WWC2: variants seen among roughly 807,000 people sequenced by gnomAD.
WWC2 encodes the protein WW and C2 domain containing 2.
In WWC2, 101 loss-of-function variants were observed where a neutral mutation model predicts 138.5. That is an observed-to-expected ratio of 0.73 (90% CI 0.62 to 0.86). The LOEUF is 0.86. Among genes scored for constraint, WWC2 ranks in the 40% least tolerant of loss-of-function variants. The probability of loss-of-function intolerance (pLI) is 0.00; values close to 1 mark genes in which losing one functional copy is unlikely to be tolerated. For missense variants in WWC2, 1,420 were observed against 1,419.4 expected (o/e 1.00, Z -0.01); for synonymous variants, 558 against 538.4 (o/e 1.04, Z -0.50).
intron 2 of WWC2, among the ~76,000 whole-genome samples, chr4:183,207,681 TGG>T (rs1735484202): frequency 6.6e-6 from 1 of 152,180 alleles, no homozygotes; most frequent in Non-Finnish European, 1.5e-5. Context: ...CTGTAGGCAC[TGG>T]GGAGCCACAG....
intron 11 of WWC2, among the ~76,000 whole-genome samples, chr4:183,262,605 G>GGGAGGGCC (rs2111361004): frequency 6.6e-6 from 1 of 152,350 alleles, no homozygotes; most frequent in East Asian, 1.9e-4. Flanking sequence ...TGAGACATTT[G>GGGAGGGCC]TGTGGTTTGT....
intron 1 of WWC2, among the ~76,000 whole-genome samples, chr4:183,132,484 C>G (rs1421078897): frequency 5.4e-5 from 8 of 149,338 alleles, no homozygotes; most frequent in African/African-American, 1.7e-4. Context: ...GACGGAGTCT[C>G]GCTCTGTCGC....
At chr4:183,242,753 CTCAAG>C (rs1167646415) in intron 5 of WWC2, among the ~76,000 whole-genome samples, 1 of 152,100 alleles carries the variant, frequency 6.6e-6, no homozygotes, top group Non-Finnish European at 1.5e-5. Context: ...ATAGGGCACA[CTCAAG>C]TCAAGAACTT....
At chr4:183,196,281 A>G (rs530417933) in intron 2 of WWC2, among the ~76,000 whole-genome samples, 2 of 152,156 alleles carry the variant, frequency 1.3e-5, no homozygotes, top group Admixed American at 1.3e-4. Flanking sequence ...CACCCTACAA[A>G]CTATCAAATC....
intron 1 of WWC2, among the ~76,000 whole-genome samples, chr4:183,189,114 G>A (rs1295458924): frequency 2.0e-5 from 3 of 151,704 alleles, no homozygotes; most frequent in Non-Finnish European, 4.4e-5. Context: ...GTTTCTTTGT[G>A]TTGCTAGTTT....
At chr4:183,230,302 A>G (rs769573855) in intron 4 of WWC2, among the ~76,000 whole-genome samples, 15 of 152,086 alleles carry the variant, frequency 9.9e-5, no homozygotes, top group Non-Finnish European at 2.2e-4. Context: ...ACTAGAAAAG[A>G]AGAAAGTCTT....
At chr4:183,115,404 C>T (rs181798853) in intron 1 of WWC2, among the ~76,000 whole-genome samples, 19 of 152,248 alleles carry the variant, frequency 1.2e-4, no homozygotes, top group Admixed American at 9.8e-4. Context: ...AGGGATTGCT[C>T]GGTTGGATGG....
intron 14 of WWC2, among the ~76,000 whole-genome samples, chr4:183,268,718 T>G (rs1051287082): frequency 6.6e-6 from 1 of 152,178 alleles, no homozygotes; most frequent in African/African-American, 2.4e-5. Flanking sequence ...TTTCCTATCA[T>G]GTGCCTTTGC....
chr4:183,156,160 C>T (rs778423445), intron 1 of WWC2, among the ~76,000 whole-genome samples: 1 of 151,300 alleles, frequency 6.6e-6, no homozygotes, highest in East Asian at 2.0e-4. Flanking sequence ...TTGAGTAGCT[C>T]GGATTACAGG....
intron 2 of WWC2, among the ~76,000 whole-genome samples, chr4:183,206,171 C>G (rs958655911): frequency 1.3e-5 from 2 of 152,106 alleles, no homozygotes; most frequent in African/African-American, 2.4e-5. Flanking sequence ...TCTCAGAGAT[C>G]ACAATCCTGT....
Position 183,139,483 on chromosome 4 carries a change from A to G in WWC2, c.131+39861A>G, listed in dbSNP as rs184888487. On this transcript the variant is annotated intron_variant, in intron 1 of 22. Transcript: ENST00000403733. ...TTCTTTTCCATCTCAGTAAATGTCA[A>G]CAGCATTCCACCAGTAGATCAGGCC... is the stretch of plus-strand genomic sequence containing the variant. Among the ~76,000 whole-genome samples the G allele has an allele frequency of 2.3e-3, 348 of 152,276 alleles. 5 individuals are homozygous for G. The highest frequency in any genetic ancestry group is 0.021 in the Admixed American group (322 of 15,304).
At chr4:183,241,930 C>T (rs1736635387) in intron 5 of WWC2, among the ~76,000 whole-genome samples, 1 of 152,122 alleles carries the variant, frequency 6.6e-6, no homozygotes, top group Non-Finnish European at 1.5e-5. Context: ...ATTGATGTAA[C>T]AATGCTGTAT....
chr4:183,248,476 G>C (rs1736864798), intron 6 of WWC2, among the ~76,000 whole-genome samples: 1 of 152,140 alleles, frequency 6.6e-6, no homozygotes, highest in Non-Finnish European at 1.5e-5. Context: ...GGAAAATGCT[G>C]TTTTGAGATA....
At chr4:183,105,478 T>C (rs1743321246) in intron 1 of WWC2, among the ~76,000 whole-genome samples, 1 of 152,178 alleles carries the variant, frequency 6.6e-6, no homozygotes, top group Non-Finnish European at 1.5e-5. Context: ...GTTACTAAAT[T>C]AGCAGGAAAC....
At chr4:183,310,985 G>A (rs1437437100) in intron 21 of WWC2, among the ~76,000 whole-genome samples, 5 of 152,018 alleles carry the variant, frequency 3.3e-5, no homozygotes, top group African/African-American at 1.2e-4. Flanking sequence ...GTGTACAAAT[G>A]GAGAAACTAA....
intron 1 of WWC2, among the ~76,000 whole-genome samples, chr4:183,184,129 G>T (rs1019932598): frequency 1.3e-5 from 2 of 152,136 alleles, no homozygotes; most frequent in Non-Finnish European, 2.9e-5. Context: ...CCACTGAGCA[G>T]TTTCTATTTA....
At position 183,317,771 on chromosome 4, in the gene WWC2, T is replaced by A. The variant is rs1215201718; in HGVS notation, c.*2042T>A. On this transcript the variant is annotated 3_prime_UTR_variant, in exon 23 of 23. Coordinates refer to ENST00000403733, the MANE Select transcript of WWC2 (RefSeq NM_024949.6). ...CAGCTTTATAAGTCTTTCATCAGAT[T>A]AGCTGTTGACTTTTTGTAATACAAA... 2 of 152,220 alleles carry A rather than the reference T, an allele frequency of 1.3e-5. No homozygotes were observed. The highest frequency in any genetic ancestry group is 2.9e-5 in the Non-Finnish European group (2 of 68,012). 9.4% of individuals were successfully genotyped at this position (152,220 alleles called of 1,614,324 possible). A position where few individuals can be genotyped will look rare whatever the true frequency, so the allele number is the denominator to read the frequency against.
At chr4:183,278,631 G>C (rs1737950758) in intron 16 of WWC2, among the ~76,000 whole-genome samples, 1 of 151,978 alleles carries the variant, frequency 6.6e-6, no homozygotes, top group Non-Finnish European at 1.5e-5. Context: ...TCTTCCATTT[G>C]TTTGTATCCT....
chr4:183,207,128 A>T (rs1027149796), intron 2 of WWC2, among the ~76,000 whole-genome samples: 1 of 151,866 alleles, frequency 6.6e-6, no homozygotes, highest in Non-Finnish European at 1.5e-5. Flanking sequence ...CAATGGAATC[A>T]CCTGAGCAGC....
Sources: allele counts gnomAD v4.1 joint callset (sites outside exome capture counted in the v4.1 genomes callset), GRCh38; gene constraint gnomAD v4.1.1; transcripts MANE v1.5; gene names NCBI Gene and HGNC (gene_info 2026-07-23, HGNC 2026-07-21).